PKD2L2: variants seen among roughly 807,000 people sequenced by gnomAD.
PKD2L2 encodes the protein polycystin-2-like protein 2.
PKD2L2 carries 67 observed loss-of-function variants against 83.9 expected under a neutral mutation model. The ratio of observed to expected loss-of-function variants is 0.80; its 90% CI spans 0.66 to 0.98. The LOEUF (loss-of-function observed/expected upper bound fraction) is 0.98. PKD2L2 is among the 50% of genes least tolerant of loss of function. The probability of loss-of-function intolerance (pLI) is 0.00; values close to 1 mark genes in which losing one functional copy is unlikely to be tolerated. For missense variants in PKD2L2, 632 were observed against 717.2 expected (o/e 0.88, Z 1.36); for synonymous variants, 223 against 237.8 (o/e 0.94, Z 0.57).
At chr5:137,889,601 C>T in intron 1 of PKD2L2, 79 bp downstream of exon 1, 1 of 1,309,228 alleles carries the variant, frequency 7.6e-7, no homozygotes, top group South Asian at 1.6e-5. Context: ...CTCTGCGGCC[C>T]CAAATTCGTT....
At chr5:137,912,755 A>G (rs1405680102) in intron 8 of PKD2L2, among the ~76,000 whole-genome samples, 1 of 136,882 alleles carries the variant, frequency 7.3e-6, no homozygotes, top group Non-Finnish European at 1.6e-5. Flanking sequence ...AGAAATGTCT[A>G]TTCAGGTCCT....
chr5:137,909,768 C>G (rs1757665048), intron 8 of PKD2L2, among the ~76,000 whole-genome samples: 1 of 151,766 alleles, frequency 6.6e-6, no homozygotes, highest in Non-Finnish European at 1.5e-5. Context: ...CTCCTGAGTT[C>G]AAGTGATCCT....
chr5:137,936,372 A>C lies in PKD2L2; in HGVS notation c.1837A>C (p.Lys613Gln). The change falls in exon 14 of 15, where the codon AAG becomes CAG. Residue 613 changes from lysine to glutamine, a missense_variant. Around this residue, in one of 3 missense-constraint regions of PKD2L2, gnomAD observed 399 missense variants for 416.9 expected, o/e 0.96. Transcript: ENST00000508883. ...GAAGGAATTACACTACATCAATTTG[A>C]AGCTAAATCAAGTGGTGAGAAAGGT... ...LEKELHYINL[K>Q]LNQVVRKVSA... 1.3e-6 allele frequency: 2 copies of C among 1,533,576 alleles called. No homozygotes were observed. Among genetic ancestry groups the C allele is most frequent in the Non-Finnish European group, 1.7e-6 (2 of 1,144,340 alleles). The allele number at this position is 1,533,576 out of a possible 1,614,324, so 95.0% of individuals were successfully genotyped here.
chr5:137,894,446 T>C lies in PKD2L2; in HGVS notation c.361T>C (p.Tyr121His), dbSNP rs1374586181. 5 of 1,613,632 alleles carry C rather than the reference T, an allele frequency of 3.1e-6. No homozygotes were observed. The highest frequency in any genetic ancestry group is 4.2e-6 in the Non-Finnish European group (5 of 1,179,676). ...TTTAAAGAACAGCAGTCGCATCTAC[T>C]ATGAAAATATACTTCTAGGAGTTCC... is the stretch of plus-strand genomic sequence containing the variant. The part of the protein sequence containing the change: ...YNLKNSSRIY[Y>H]ENILLGVPRV... Residue 121 changes from tyrosine to histidine, a missense_variant, in exon 4 of 15, where the codon TAT (tyrosine) becomes CAT (histidine). Physicochemically the swap from Tyr to His is moderately conservative, Grantham distance 83. This residue lies in a region of PKD2L2 where 229 missense variants were observed against 281.5 expected (regional missense o/e 0.81). Transcript: ENST00000508883.
chr5:137,915,027 T>C (rs1180828038), intron 8 of PKD2L2, among the ~76,000 whole-genome samples: 1 of 152,208 alleles, frequency 6.6e-6, no homozygotes, highest in Non-Finnish European at 1.5e-5. Context: ...GACTTGCTAG[T>C]ATTTATTAAG....
intron 12 of PKD2L2, among the ~76,000 whole-genome samples, chr5:137,926,527 G>T (rs1396683479): frequency 6.6e-6 from 1 of 152,180 alleles, no homozygotes; most frequent in Admixed American, 6.5e-5. Flanking sequence ...AAGGCTGAAG[G>T]TGAACTTTGT....
chr5:137,894,046 A>G (rs929920115), intron 3 of PKD2L2, among the ~76,000 whole-genome samples: 2 of 152,276 alleles, frequency 1.3e-5, no homozygotes, highest in African/African-American at 4.8e-5. Context: ...ATGTGTGGCT[A>G]TGACCAGCTC....
At chr5:137,904,419 A>G (rs890686441) in intron 5 of PKD2L2, among the ~76,000 whole-genome samples, 11 of 152,198 alleles carry the variant, frequency 7.2e-5, no homozygotes, top group African/African-American at 2.4e-4. Context: ...TGTCTACTAT[A>G]CACCATCTAA....
intron 8 of PKD2L2, among the ~76,000 whole-genome samples, chr5:137,912,801 CTTTCTTTTTTTT>C (rs1463550156): frequency 4.0e-5 from 4 of 99,832 alleles, no homozygotes; most frequent in South Asian, 3.4e-4. Flanking sequence ...TGTTTTCTTT[CTTTCTTTTTTTT>C]TTTTTTTTGA....
chr5:137,934,001 C>G (rs1760096046), intron 12 of PKD2L2, among the ~76,000 whole-genome samples: 3 of 152,086 alleles, frequency 2.0e-5, no homozygotes, highest in Admixed American at 2.0e-4. Context: ...CCCCTGCTAC[C>G]AATTATTCAT....
Position 137,936,307 on chromosome 5 carries a change from C to G in PKD2L2, c.1785-13C>G. On this transcript the variant is annotated splice_polypyrimidine_tract_variant and intron_variant, in intron 13 of 14. Transcript: ENST00000508883. Reference sequence around the variant, plus strand: ...TTACTGACTCATTCTCTACTTCCTTCGAAATTTTCTAGACTTTTTTTATAT... The same window carrying G: ...TTACTGACTCATTCTCTACTTCCTTGGAAATTTTCTAGACTTTTTTTATAT... 1 of 1,525,922 alleles carries G rather than the reference C, an allele frequency of 6.6e-7. No individual in the cohort carries two copies. The highest frequency in any genetic ancestry group is 8.8e-7 in the Non-Finnish European group (1 of 1,137,896). 94.5% of individuals were successfully genotyped at this position (1,525,922 alleles called of 1,614,324 possible).
intron 5 of PKD2L2, among the ~76,000 whole-genome samples, chr5:137,905,136 A>G (rs1757263093): frequency 6.6e-6 from 1 of 152,164 alleles, no homozygotes; most frequent in Admixed American, 6.5e-5. Context: ...CTTGTAATAT[A>G]AGATTAAGTC....
In PKD2L2 at chr5:137,929,402, G is replaced by A. The variant is rs555032499; in HGVS notation, c.1671+3473G>A. Among the ~76,000 whole-genome samples the A allele has an allele frequency of 1.2e-4, 18 of 151,292 alleles. No individual in the cohort carries two copies. The South Asian group carries it at 2.7e-3, about 23-fold the overall frequency. The stretch of plus-strand genomic sequence containing the variant: ...CTTGAACCTGGGAGGCGGAGGTTGC[G>A]GTGAGCCGAGATCGGGTCATTGCAC... On this transcript the variant is annotated intron_variant, in intron 12 of 14. Coordinates refer to ENST00000508883, the MANE Select transcript of PKD2L2 (RefSeq NM_001300921.2).
At chr5:137,889,639 G>C in intron 1 of PKD2L2, 117 bp downstream of exon 1, 2 of 787,738 alleles carry the variant, frequency 2.5e-6, no homozygotes, top group African/African-American at 1.8e-5. Context: ...GACACCTTTA[G>C]CCCTCACAGC....
chr5:137,897,030 ATTATAT>A (rs1162395692), intron 4 of PKD2L2, among the ~76,000 whole-genome samples: 3 of 97,868 alleles, frequency 3.1e-5, no homozygotes, highest in South Asian at 8.4e-4. Context: ...ATGATACATT[ATTATAT>A]TATTATTATT....
In PKD2L2 at chr5:137,908,601, A is replaced by G. The variant is rs566635917; in HGVS notation, c.1147-164A>G. Among the ~76,000 whole-genome samples the G allele has an allele frequency of 3.3e-5, 5 of 152,214 alleles. No homozygotes were observed. In the East Asian group the frequency reaches 7.7e-4, roughly 24 times the overall value. On this transcript the variant is annotated intron_variant, in intron 7 of 14. Transcript: ENST00000508883. ...GTGAGACTCCATCTCAAAAAAAAAA[A>G]ACAGAAGTTTGGCCTTGTAATGATT...
chr5:137,905,942 GAAA>G (rs369804831), intron 5 of PKD2L2, among the ~76,000 whole-genome samples: 2 of 150,548 alleles, frequency 1.3e-5, no homozygotes, highest in Non-Finnish European at 3.0e-5. Flanking sequence ...ATGAATGTCT[GAAA>G]AAAAAATCAC....
intron 8 of PKD2L2, among the ~76,000 whole-genome samples, chr5:137,911,221 T>A (rs1757808483): frequency 6.6e-6 from 1 of 152,236 alleles, no homozygotes; most frequent in Non-Finnish European, 1.5e-5. Flanking sequence ...TCATATGTTA[T>A]TTGTCTTTTT....
chr5:137,890,394 G>C, intron 1 of PKD2L2, 87 bp from the exon 2 acceptor site: 2 of 715,634 alleles, frequency 2.8e-6, no homozygotes, highest in South Asian at 3.5e-5. Flanking sequence ...CGCAGTGTAA[G>C]GACTAAAAGT....
Sources: allele counts gnomAD v4.1 joint callset (sites outside exome capture counted in the v4.1 genomes callset), GRCh38; gene constraint gnomAD v4.1.1; regional missense constraint gnomAD v4.1.1; transcripts MANE v1.5; gene names NCBI Gene and HGNC (gene_info 2026-07-23, HGNC 2026-07-21).